Variants in EMC2 observed in about 807,000 individuals in gnomAD.
EMC2 encodes ER membrane protein complex subunit 2.
A neutral mutation model predicts 51.6 loss-of-function variants in EMC2; 37 were observed. That is an observed-to-expected ratio of 0.72 (90% confidence interval 0.55 to 0.94). EMC2 has a LOEUF of 0.94. Among genes scored for constraint, EMC2 ranks in the 40% least tolerant of loss-of-function variants. EMC2 has a pLI of 0.00. For synonymous variants in EMC2, 131 were observed against 112.4 expected (o/e 1.17, Z -1.04); for missense variants, 359 against 350.9 (o/e 1.02, Z -0.18).
intron 10 of EMC2, among the ~76,000 whole-genome samples, chr8:108,480,029 T>TA (rs1271022083): frequency 6.6e-6 from 1 of 152,168 alleles, no homozygotes. Context: ...CCAGTAGTCT[T>TA]ACTATGATTT....
At chr8:108,461,738 TA>T (rs1443681444) in intron 5 of EMC2, among the ~76,000 whole-genome samples, 2 of 152,148 alleles carry the variant, frequency 1.3e-5, no homozygotes, top group Non-Finnish European at 2.9e-5. Flanking sequence ...ATACACATGT[TA>T]AAAATTGTGG....
chr8:108,448,582 G>GAT (rs532124493), intron 1 of EMC2, among the ~76,000 whole-genome samples: 86 of 152,216 alleles, frequency 5.6e-4, no homozygotes, highest in Non-Finnish European at 1.0e-3. Flanking sequence ...ATCCACGTAG[G>GAT]ATATGACTTT....
intron 5 of EMC2, among the ~76,000 whole-genome samples, chr8:108,466,994 T>C (rs1296661785): frequency 6.6e-6 from 1 of 152,154 alleles, no homozygotes; most frequent in Non-Finnish European, 1.5e-5. Context: ...AAAAGAGACA[T>C]GAACAGATTC....
Sources: gnomAD v4.1 joint callset for allele counts (sites outside exome capture counted in the v4.1 genomes callset) on GRCh38, gnomAD v4.1.1 for gene constraint, MANE v1.5 for transcripts, NCBI Gene and HGNC (gene_info 2026-07-23, HGNC 2026-07-21) for gene names.